Variants in CLCA2 observed in about 807,000 individuals in gnomAD.
The protein encoded by CLCA2 is chloride channel accessory 2.
Under a neutral mutation model 82.9 loss-of-function variants are expected in CLCA2, and 85 were observed. That is an observed-to-expected ratio of 1.03 (90% CI 0.86 to 1.23). CLCA2 has a LOEUF of 1.23. Among genes scored for constraint, CLCA2 ranks in the 50% most tolerant of loss-of-function variants. The pLI is 0.00. For missense variants in CLCA2, 1,089 were observed against 1,124.8 expected (o/e 0.97, Z 0.45); for synonymous variants, 421 against 391.7 (o/e 1.07, Z -0.88).
chr1:86,432,957 A>G (rs993216135), intron 5 of CLCA2, among the ~76,000 whole-genome samples: 5 of 152,250 alleles, frequency 3.3e-5, no homozygotes, highest in Admixed American at 1.3e-4. Flanking sequence ...ACAGTAAGGT[A>G]TCACCAGGAG....
At chr1:86,447,294 GAAAT>G (rs1662871856) in intron 10 of CLCA2, among the ~76,000 whole-genome samples, 1 of 152,070 alleles carries the variant, frequency 6.6e-6, no homozygotes, top group Non-Finnish European at 1.5e-5. Flanking sequence ...GAATTATCTA[GAAAT>G]AAAGGTGACT....
intron 4 of CLCA2, 115 bp downstream of exon 4, chr1:86,431,085 C>T (rs1662489885): frequency 7.4e-6 from 5 of 672,718 alleles, no homozygotes; most frequent in South Asian, 2.1e-5. Context: ...GCAGCTAAAA[C>T]TTAGCTGATA....
At chr1:86,430,672 T>C (rs573575273) in intron 3 of CLCA2, among the ~76,000 whole-genome samples, 190 bp from the exon 4 acceptor site, 5 of 151,948 alleles carry the variant, frequency 3.3e-5, no homozygotes, top group South Asian at 2.1e-4. Flanking sequence ...TTTTTTATGG[T>C]GGTAGGTGGT....
In CLCA2 at chr1:86,453,562, A is replaced by G. The variant is rs778160890; in HGVS notation, c.2349A>G (p.Leu783=). The change falls in exon 13 of 14, where the codon CTA becomes CTG. Residue 783 remains leucine (L), a synonymous_variant. Coordinates refer to ENST00000370565, the MANE Select transcript of CLCA2 (RefSeq NM_006536.7). ...EAVKVEEELT[L]SWTAPGEDFD... ...TAAAAGTAGAAGAGGAATTGACCCT[A>G]TCTTGGACAGCACCTGGAGAAGACT... The G allele has an allele frequency of 6.2e-7, 1 of 1,614,118 alleles. No homozygotes were observed. Among genetic ancestry groups the G allele is most frequent in the Non-Finnish European group, 8.5e-7 (1 of 1,180,004 alleles).
At chr1:86,443,528 A>G (rs1467402543) in intron 9 of CLCA2, among the ~76,000 whole-genome samples, 1 of 152,260 alleles carries the variant, frequency 6.6e-6, no homozygotes, top group African/African-American at 2.4e-5. Context: ...ATATGAGGAC[A>G]GCTAACATCT....
intron 11 of CLCA2, among the ~76,000 whole-genome samples, chr1:86,448,746 G>A (rs887836668): frequency 2.0e-5 from 3 of 152,226 alleles, no homozygotes; most frequent in African/African-American, 4.8e-5. Context: ...AAGGGTTTTG[G>A]TTCAAGTCCA....
intron 2 of CLCA2, 25 bp downstream of exon 2, chr1:86,425,501 T>A (rs770892431): frequency 6.7e-7 from 1 of 1,499,222 alleles, no homozygotes; most frequent in Non-Finnish European, 8.9e-7. Context: ...TTTCATTCAA[T>A]GATCTCAAGG....
At chr1:86,441,638 C>A in intron 9 of CLCA2, 95 bp downstream of exon 9, 1 of 785,242 alleles carries the variant, frequency 1.3e-6, no homozygotes, top group Non-Finnish European at 2.1e-6. Flanking sequence ...GCTTCATTAA[C>A]CTTACTTGAA....
intron 11 of CLCA2, chr1:86,448,046 A>T: frequency 2.1e-6 from 1 of 468,894 alleles, no homozygotes; most frequent in Non-Finnish European, 3.8e-6. Context: ...CCTGGCTTCC[A>T]CTTGCTGAGG....
chr1:86,439,205 G>GTTATGACCACCCT, intron 7 of CLCA2, 99 bp downstream of exon 7: 1 of 1,025,494 alleles, frequency 9.8e-7, no homozygotes, highest in Non-Finnish European at 1.5e-6. Context: ...GTTACAGGGT[G>GTTATGACCACCCT]GTCATAACAG....
intron 3 of CLCA2, among the ~76,000 whole-genome samples, chr1:86,428,879 T>C (rs1015068583): frequency 4.6e-5 from 7 of 151,896 alleles, no homozygotes; most frequent in African/African-American, 1.5e-4. Flanking sequence ...TTTTGATAAA[T>C]GGAAAGAAGG....
chr1:86,449,941 C>T (rs1662929915), intron 11 of CLCA2, among the ~76,000 whole-genome samples: 2 of 152,250 alleles, frequency 1.3e-5, no homozygotes, highest in East Asian at 3.9e-4. Context: ...TTCAGAATGC[C>T]CCCTGAAGCA....
Position 86,452,746 on chromosome 1 carries a change from G to T in CLCA2, c.2156-623G>T, listed in dbSNP as rs534622732. Among the ~76,000 whole-genome samples, 6 of 152,112 alleles carry T rather than the reference G, an allele frequency of 3.9e-5. No individual in the cohort carries two copies. In the South Asian group the frequency reaches 1.2e-3, roughly 32 times the overall value. On this transcript the variant is annotated intron_variant, in intron 12 of 13. Transcript: ENST00000370565. Reference sequence around the variant, plus strand: ...CTGACCCACATTATTTTCTTTCATAGCATCCTGTCTTCTTTCCTTCTTACA... The same window carrying T: ...CTGACCCACATTATTTTCTTTCATATCATCCTGTCTTCTTTCCTTCTTACA...
Position 86,455,196 on chromosome 1 carries a change from G to A in CLCA2, c.2501G>A (p.Arg834Lys). The part of the protein sequence containing the change: ...SKRNPQQAGI[R>K]EIFTFSPQIS... Reference sequence around the variant, plus strand: ...CGAAATCCTCAGCAAGCTGGCATCAGGGAGATATTTACGTTCTCACCCCAA... The same window carrying A: ...CGAAATCCTCAGCAAGCTGGCATCAAGGAGATATTTACGTTCTCACCCCAA... Residue 834 changes from arginine (R) to lysine (K), a missense_variant, in exon 14 of 14, where the codon AGG (arginine) becomes AAG (lysine). Coordinates refer to ENST00000370565, the MANE Select transcript of CLCA2 (RefSeq NM_006536.7). The A allele has an allele frequency of 6.2e-7, 1 of 1,613,990 alleles. No homozygotes were observed. Among genetic ancestry groups the A allele is most frequent in the African/African-American group, 1.3e-5 (1 of 75,040 alleles).
chr1:86,430,294 A>G (rs1475411764), intron 3 of CLCA2, among the ~76,000 whole-genome samples: 1 of 152,200 alleles, frequency 6.6e-6, no homozygotes, highest in East Asian at 1.9e-4. Context: ...AATAAGGGAT[A>G]AAATAAAAGA....
chr1:86,456,481 T>C lies in CLCA2; in HGVS notation c.*954T>C, dbSNP rs1478353127. ...GTCACAAGGAAATAAAAATCATCTTTCATCTTTAATTTTACTCCTTCCTCT... is the reference window on the plus strand; with the variant it reads ...GTCACAAGGAAATAAAAATCATCTTCCATCTTTAATTTTACTCCTTCCTCT... On this transcript the variant is annotated 3_prime_UTR_variant, in exon 14 of 14. Coordinates refer to ENST00000370565, the MANE Select transcript of CLCA2 (RefSeq NM_006536.7). 6.6e-6 allele frequency: 1 copy of C among 152,202 alleles called. No individual in the cohort carries two copies. Among genetic ancestry groups the C allele is most frequent in the African/African-American group, 2.4e-5 (1 of 41,466 alleles). The allele number at this position is 152,202 out of a possible 1,614,324, so 9.4% of individuals were successfully genotyped here. A position where few individuals can be genotyped will look rare whatever the true frequency, so the allele number is the denominator to read the frequency against.
At chr1:86,433,856 G>A (rs1169385660) in intron 5 of CLCA2, among the ~76,000 whole-genome samples, 1 of 152,158 alleles carries the variant, frequency 6.6e-6, no homozygotes, top group African/African-American at 2.4e-5. Flanking sequence ...CTCTTTGTAG[G>A]AATAGAGCCA....
Position 86,455,629 on chromosome 1 carries a change from T to A in CLCA2, c.*102T>A. 1.4e-6 allele frequency: 1 copy of A among 723,674 alleles called. No homozygotes were observed. Among genetic ancestry groups the A allele is most frequent in the South Asian group, 4.0e-5 (1 of 24,780 alleles). The allele number at this position is 723,674 out of a possible 1,614,324, so 44.8% of individuals were successfully genotyped here. On this transcript the variant is annotated 3_prime_UTR_variant, in exon 14 of 14. Coordinates refer to ENST00000370565, the MANE Select transcript of CLCA2 (RefSeq NM_006536.7). ...AATTAACATCAAAACTGTATTAAAA[T>A]GCATTGAGTTTTTGTACAATACAGA...
At chr1:86,426,537 A>T (rs1299188113) in intron 2 of CLCA2, among the ~76,000 whole-genome samples, 1 of 152,156 alleles carries the variant, frequency 6.6e-6, no homozygotes, top group Non-Finnish European at 1.5e-5. Flanking sequence ...GCACATGAAG[A>T]TAGGATAGGT....
Sources: allele counts gnomAD v4.1 joint callset (sites outside exome capture counted in the v4.1 genomes callset), GRCh38; gene constraint gnomAD v4.1.1; transcripts MANE v1.5; gene names NCBI Gene and HGNC (gene_info 2026-07-23, HGNC 2026-07-21).